Variants in TCERG1L observed in about 807,000 individuals in gnomAD.
TCERG1L encodes the protein transcription elongation regulator 1 like, also known as transcription elongation regulator 1-like protein.
In TCERG1L, 37 loss-of-function variants were observed where a neutral mutation model predicts 56.3. The ratio of observed to expected loss-of-function variants is 0.66; its 90% CI spans 0.51 to 0.87. The LOEUF (loss-of-function observed/expected upper bound fraction) is 0.87, where lower values mean the gene tolerates loss of function less well. Ranked by LOEUF, TCERG1L falls within the 40% of genes least tolerant of loss-of-function variation. TCERG1L has a pLI of 0.00. For missense variants in TCERG1L, 799 were observed against 774.2 expected, an observed-to-expected ratio of 1.03 and a Z score of -0.38; for synonymous variants, 324 against 326.3, an observed-to-expected ratio of 0.99 and a Z score of 0.08.
intron 4 of TCERG1L, among the ~76,000 whole-genome samples, chr10:131,176,255 C>T (rs561606166): frequency 2.4e-4 from 35 of 148,442 alleles, no homozygotes; most frequent in Admixed American, 6.0e-4. Flanking sequence ...CACACAGAGA[C>T]GGATGCACAC....
intron 7 of TCERG1L, among the ~76,000 whole-genome samples, chr10:131,136,879 C>T (rs551560767): frequency 7.9e-5 from 12 of 151,880 alleles, no homozygotes; most frequent in East Asian, 2.0e-4. Flanking sequence ...CAGTGGCTCA[C>T]GCCTGTAATC....
In TCERG1L at chr10:131,311,274, G is replaced by A. The variant is rs2133050508; in HGVS notation, c.342+20C>T. Reference sequence around the variant, plus strand: ...AGGGGAGACGGCGACCCGGGCCGAGGCGGGACGGGGACACGTTACCTGCCC... The same window carrying A: ...AGGGGAGACGGCGACCCGGGCCGAGACGGGACGGGGACACGTTACCTGCCC... On this transcript the variant is annotated intron_variant, in intron 1 of 11. Transcript: ENST00000368642. The surrounding 1 kb of genome is among the most constrained non-coding windows in gnomAD (Gnocchi z 4.0). The A allele has an allele frequency of 2.3e-5, 27 of 1,170,974 alleles. No individual in the cohort carries two copies. The highest frequency in any genetic ancestry group is 2.7e-5 in the Non-Finnish European group (26 of 950,722). The allele number at this position is 1,170,974 out of a possible 1,614,324, so 72.5% of individuals were successfully genotyped here.
intron 4 of TCERG1L, among the ~76,000 whole-genome samples, chr10:131,167,710 C>T (rs1032184114): frequency 1.3e-5 from 2 of 152,164 alleles, no homozygotes; most frequent in Non-Finnish European, 2.9e-5. Flanking sequence ...GCTTACTGGC[C>T]GCCATGGTGG....
At chr10:131,190,446 A>T (rs1845291279) in intron 4 of TCERG1L, among the ~76,000 whole-genome samples, 1 of 145,868 alleles carries the variant, frequency 6.9e-6, no homozygotes, top group Non-Finnish European at 1.5e-5. Context: ...CCCTTTTACC[A>T]AAAAAGGAAA....
chr10:131,130,103 A>C (rs1351348937), intron 8 of TCERG1L, among the ~76,000 whole-genome samples: 2 of 150,562 alleles, frequency 1.3e-5, no homozygotes, highest in Admixed American at 6.6e-5. Context: ...AAAAAAAAAA[A>C]GGTTGAACGG....
At chr10:131,184,324 G>A (rs1007202844) in intron 4 of TCERG1L, among the ~76,000 whole-genome samples, 5 of 152,200 alleles carry the variant, frequency 3.3e-5, no homozygotes, top group African/African-American at 1.2e-4. Context: ...AATCAACTGT[G>A]TGATTGATAC....
At chr10:131,193,787 T>G (rs1166566146) in intron 4 of TCERG1L, among the ~76,000 whole-genome samples, 2 of 152,242 alleles carry the variant, frequency 1.3e-5, no homozygotes, top group Non-Finnish European at 2.9e-5. Flanking sequence ...GCCTCTAGCT[T>G]TTTCCTTTTG....
At chr10:131,265,174 G>C (rs1361398036) in intron 3 of TCERG1L, among the ~76,000 whole-genome samples, 1 of 152,198 alleles carries the variant, frequency 6.6e-6, no homozygotes, top group Non-Finnish European at 1.5e-5. Context: ...ACTAAGGTGA[G>C]AGTGGTTTGT....
chr10:131,194,675 C>T (rs2944468), intron 4 of TCERG1L, among the ~76,000 whole-genome samples: 91,706 of 152,022 alleles, frequency 0.6, 30,149 homozygotes, highest in South Asian at 0.81. Context: ...ATTTTTTGCA[C>T]GGTGGTCTTG....
At chr10:131,225,394 G>A (rs1845780549) in intron 4 of TCERG1L, among the ~76,000 whole-genome samples, 1 of 152,168 alleles carries the variant, frequency 6.6e-6, no homozygotes, top group Non-Finnish European at 1.5e-5. Context: ...TTGCACCTGT[G>A]TTTGTAAGTA....
intron 8 of TCERG1L, among the ~76,000 whole-genome samples, chr10:131,119,643 G>A (rs1044931434): frequency 1.3e-5 from 2 of 152,218 alleles, no homozygotes; most frequent in Admixed American, 6.5e-5. Flanking sequence ...ATGGCTATCC[G>A]TTCAGTTAGA....
At chr10:131,099,505 A>G (rs1845284101) in intron 10 of TCERG1L, among the ~76,000 whole-genome samples, 1 of 152,218 alleles carries the variant, frequency 6.6e-6, no homozygotes, top group African/African-American at 2.4e-5. Context: ...AGGCCAATAA[A>G]TAGCAACTGG....
intron 6 of TCERG1L, chr10:131,161,658 G>T (rs1318028517): frequency 6.6e-6 from 1 of 152,074 alleles, no homozygotes; most frequent in Middle Eastern, 3.2e-3. Context: ...GCTTCAGGGA[G>T]GGTGCTGGTC....
intron 9 of TCERG1L, among the ~76,000 whole-genome samples, chr10:131,115,775 G>A (rs1305430309): frequency 1.3e-5 from 2 of 152,208 alleles, no homozygotes; most frequent in African/African-American, 2.4e-5. Context: ...GGTAGGACCT[G>A]CTCAATGTTC....
intron 8 of TCERG1L, among the ~76,000 whole-genome samples, chr10:131,129,273 G>A (rs1197317706): frequency 6.6e-6 from 1 of 151,902 alleles, no homozygotes; most frequent in African/African-American, 2.4e-5. Flanking sequence ...ATAATGTTAA[G>A]GAATTATTTG....
chr10:131,151,193 C>T (rs1450819781), intron 6 of TCERG1L, among the ~76,000 whole-genome samples: 1 of 152,160 alleles, frequency 6.6e-6, no homozygotes, highest in African/African-American at 2.4e-5. Context: ...TTCCAACGGT[C>T]CCCCAAAGTC....
At chr10:131,251,744 C>T (rs1251901290) in intron 4 of TCERG1L, among the ~76,000 whole-genome samples, 1 of 152,176 alleles carries the variant, frequency 6.6e-6, no homozygotes, top group Non-Finnish European at 1.5e-5. Context: ...TGAGAACACG[C>T]CTCCTTTTCT....
chr10:131,278,804 G>A (rs1393593191), intron 3 of TCERG1L, among the ~76,000 whole-genome samples: 2 of 152,110 alleles, frequency 1.3e-5, no homozygotes, highest in African/African-American at 2.4e-5. Flanking sequence ...CCCATGCTGG[G>A]GCTTTGCAAG....
At chr10:131,115,718 C>T (rs1845453879) in intron 9 of TCERG1L, among the ~76,000 whole-genome samples, 1 of 152,120 alleles carries the variant, frequency 6.6e-6, no homozygotes, top group Non-Finnish European at 1.5e-5. Flanking sequence ...GGGAGGTGTC[C>T]CTAGGGGTGG....
Sources: allele counts gnomAD v4.1 joint callset (sites outside exome capture counted in the v4.1 genomes callset), GRCh38; gene constraint gnomAD v4.1.1; non-coding constraint Gnocchi (gnomAD v3.1); transcripts MANE v1.5; gene names NCBI Gene and HGNC (gene_info 2026-07-23, HGNC 2026-07-21).